The following ADCY5 variants were observed in gnomAD, a reference collection of about 807,000 sequenced individuals.
The protein encoded by ADCY5 is adenylate cyclase 5, also known as adenylate cyclase type 5.
A neutral mutation model predicts 119.7 loss-of-function variants in ADCY5; 30 were observed. The ratio of observed to expected loss-of-function variants is 0.25; its 90% CI spans 0.19 to 0.34. The LOEUF is 0.34. Ranked by LOEUF, ADCY5 falls within the 10% of genes least tolerant of loss-of-function variation. The pLI is 1.00. For missense variants in ADCY5, 1,324 were observed against 1,775.2 expected (o/e 0.75, Z 4.57); for synonymous variants, 753 against 762.2 (o/e 0.99, Z 0.20).
In ADCY5 at chr3:123,303,089, C is replaced by A; in HGVS notation, c.2690G>T (p.Cys897Phe). The A allele has an allele frequency of 6.2e-7, 1 of 1,613,820 alleles. No homozygotes were observed. Among genetic ancestry groups the A allele is most frequent in the South Asian group, 1.1e-5 (1 of 91,082 alleles). The change falls in exon 14 of 21, where the codon TGT becomes TTT. Residue 897 changes from cysteine (C) to phenylalanine (F), a missense_variant. Coordinates refer to ENST00000462833, the MANE Select transcript of ADCY5 (RefSeq NM_183357.3). ...GTTGCAGTTGGGCCAGGGGCTGCCA[C>A]AGAAGCCCTGCTCATCGCCCAGGCT... ...NYSLGDEQGF[C>F]GSPWPNCNFP...
intron 1 of ADCY5, chr3:123,404,692 TCTGA>T (rs1944857021): frequency 2.0e-5 from 3 of 152,228 alleles, no homozygotes; most frequent in Non-Finnish European, 4.4e-5. Context: ...CCGCAGGGGC[TCTGA>T]GGGTGTTGTG....
intron 1 of ADCY5, among the ~76,000 whole-genome samples, chr3:123,409,613 T>C (rs1944992375): frequency 6.6e-6 from 1 of 152,192 alleles, no homozygotes. Context: ...CAGGAGCAGC[T>C]GCAGCATCAC....
chr3:123,300,402 G>C (rs1939779561), intron 14 of ADCY5, 107 bp from the exon 15 acceptor site: 1 of 1,245,184 alleles, frequency 8.0e-7, no homozygotes. Flanking sequence ...CCTGGGCTGG[G>C]CATGTTTCTG....
In ADCY5 at chr3:123,352,453, C is replaced by A. The variant is rs145186295; in HGVS notation, c.1263G>T (p.Ser421=). The A allele has an allele frequency of 2.5e-6, 4 of 1,612,974 alleles. No homozygotes were observed. Among genetic ancestry groups the A allele is most frequent in the East Asian group, 2.2e-5 (1 of 44,884 alleles). The change falls in exon 2 of 21, where the codon TCG becomes TCT. Residue 421 remains serine (S), a synonymous_variant. Transcript: ENST00000462833. The surrounding 1 kb of genome is among the most constrained non-coding windows in gnomAD (Gnocchi z 4.8). ...TCACCTGCTGCTGGTTCTCCCGCTGCGAGTGGAGCCGCGCCTGGATGCACT... is the reference window on the plus strand; with the variant it reads ...TCACCTGCTGCTGGTTCTCCCGCTGAGAGTGGAGCCGCGCCTGGATGCACT... ...TRECIQARLH[S]QRENQQQERL... is the part of the protein sequence containing the mutation.
chr3:123,425,503 T>A (rs1945387938), intron 1 of ADCY5, among the ~76,000 whole-genome samples: 1 of 152,220 alleles, frequency 6.6e-6, no homozygotes, highest in South Asian at 2.1e-4. Context: ...TTGATGAAGT[T>A]ACAGAAGGAA....
At chr3:123,353,313 T>G (rs1055089444) in intron 1 of ADCY5, among the ~76,000 whole-genome samples, 3 of 152,180 alleles carry the variant, frequency 2.0e-5, no homozygotes, top group African/African-American at 7.2e-5. Flanking sequence ...GAATACTTAC[T>G]GAAAAGCTAA....
chr3:123,337,559 G>A (rs1429054540), intron 3 of ADCY5, among the ~76,000 whole-genome samples: 3 of 152,196 alleles, frequency 2.0e-5, no homozygotes, highest in African/African-American at 7.2e-5. Context: ...GGAGGCAGCC[G>A]CCATTCCTGG....
intron 1 of ADCY5, among the ~76,000 whole-genome samples, chr3:123,438,254 C>T (rs1480272757): frequency 2.6e-5 from 4 of 152,156 alleles, no homozygotes; most frequent in Admixed American, 6.5e-5. Flanking sequence ...CGTGCCATAA[C>T]CCCCTCTTGG....
intron 1 of ADCY5, among the ~76,000 whole-genome samples, chr3:123,396,057 G>GGAGGGAGAGAGAGAGGGAGGGAGA (rs1944548013): frequency 3.2e-5 from 2 of 61,610 alleles, no homozygotes; most frequent in Non-Finnish European, 7.0e-5. Flanking sequence ...AGAGAGGGAG[G>GGAGGGAGAGAGAGAGGGAGGGAGA]GAGGGTGGGA....
At chr3:123,302,932 G>A in intron 14 of ADCY5, 123 bp downstream of exon 14, 2 of 1,175,998 alleles carry the variant, frequency 1.7e-6, no homozygotes, top group South Asian at 1.5e-5. Context: ...GGGTAAGCAG[G>A]CCTCTAGAAG....
At chr3:123,327,875 C>G (rs1438650023) in intron 6 of ADCY5, 116 bp from the exon 7 acceptor site, 2 of 1,255,066 alleles carry the variant, frequency 1.6e-6, no homozygotes, top group Non-Finnish European at 2.2e-6. Flanking sequence ...ACCCTAGGGC[C>G]CCAAGCTCTG....
At chr3:123,413,023 C>T (rs904020850) in intron 1 of ADCY5, among the ~76,000 whole-genome samples, 6 of 152,176 alleles carry the variant, frequency 3.9e-5, no homozygotes, top group Non-Finnish European at 8.8e-5. Context: ...CACGGAGCCC[C>T]CTGGAGACGA....
chr3:123,287,608 G>A (rs1310276837), intron 19 of ADCY5, among the ~76,000 whole-genome samples: 1 of 149,520 alleles, frequency 6.7e-6, no homozygotes, highest in Non-Finnish European at 1.5e-5. Flanking sequence ...TCCAAACTAG[G>A]CCCCTGGTGA....
intron 1 of ADCY5, among the ~76,000 whole-genome samples, chr3:123,446,484 A>G (rs2107657302): frequency 6.6e-6 from 1 of 152,338 alleles, no homozygotes; most frequent in East Asian, 1.9e-4. Flanking sequence ...GATGAGGACC[A>G]GGAAACCAGA....
chr3:123,402,564 T>C (rs1171425788), intron 1 of ADCY5, among the ~76,000 whole-genome samples: 2 of 152,200 alleles, frequency 1.3e-5, no homozygotes, highest in African/African-American at 4.8e-5. Flanking sequence ...AAAGGAGCCC[T>C]AGTCGGCTGG....
intron 12 of ADCY5, among the ~76,000 whole-genome samples, chr3:123,308,618 A>G (rs1940349456): frequency 6.6e-6 from 1 of 152,088 alleles, no homozygotes; most frequent in Non-Finnish European, 1.5e-5. Context: ...TCACGAGGTC[A>G]GGAGATCGAG....
intron 17 of ADCY5, among the ~76,000 whole-genome samples, chr3:123,295,873 A>G (rs1180007630): frequency 2.0e-5 from 3 of 152,218 alleles, no homozygotes; most frequent in Non-Finnish European, 4.4e-5. Context: ...TGCACAGAGT[A>G]AGTCCCAGGG....
At chr3:123,329,506 A>C (rs1416724397) in intron 5 of ADCY5, among the ~76,000 whole-genome samples, 1 of 152,194 alleles carries the variant, frequency 6.6e-6, no homozygotes, top group African/African-American at 2.4e-5. Flanking sequence ...CAGACTGGGA[A>C]GGAAGCCATA....
At chr3:123,294,839 G>A (rs1056965792) in intron 17 of ADCY5, among the ~76,000 whole-genome samples, 1 of 152,196 alleles carries the variant, frequency 6.6e-6, no homozygotes, top group Non-Finnish European at 1.5e-5. Flanking sequence ...TAGGGGTGAT[G>A]GGGCATCATG....
Sources: allele counts gnomAD v4.1 joint callset (sites outside exome capture counted in the v4.1 genomes callset), GRCh38; gene constraint gnomAD v4.1.1; non-coding constraint Gnocchi (gnomAD v3.1); transcripts MANE v1.5; gene names NCBI Gene and HGNC (gene_info 2026-07-23, HGNC 2026-07-21).